Variants in KPNA3 observed in about 807,000 individuals in gnomAD.
KPNA3 encodes importin subunit alpha-4.
In KPNA3, 13 loss-of-function variants were observed where a neutral mutation model predicts 73.8. The observed-to-expected ratio is 0.18, with a 90% confidence interval of 0.11 to 0.28. KPNA3 has a LOEUF of 0.28. KPNA3 is among the 10% of genes least tolerant of loss of function. The pLI is 1.00. For missense variants in KPNA3, 360 were observed against 618.1 expected (o/e 0.58, Z 4.43); for synonymous variants, 186 against 206.9 (o/e 0.90, Z 0.87).
Position 49,701,838 on chromosome 13 carries a change from G to A in KPNA3, c.1528C>T (p.Pro510Ser). 1 of 1,613,166 alleles carries A rather than the reference G, an allele frequency of 6.2e-7. No homozygotes were observed. The highest frequency in any genetic ancestry group is 2.2e-5 in the East Asian group (1 of 44,850). The change falls in exon 17 of 17, where the codon CCA (proline) becomes TCA (serine). Residue 510 changes from proline to serine, a missense_variant. Physicochemically the swap from Pro to Ser is moderately conservative, Grantham distance 74 (BLOSUM62 -1). Around this residue, in one of 3 missense-constraint regions of KPNA3, gnomAD observed 38 missense variants for 39.0 expected, o/e 0.98. Transcript: ENST00000261667. Reference protein sequence around the residue: ...ATQGGTYNFDPTANLQTKEFN... With the variant: ...ATQGGTYNFDSTANLQTKEFN... ...TCTTTTGTTTGAAGGTTGGCTGTTGGATCAAAATTGTAGGTACCTCCTTGT... is the reference window on the plus strand; with the variant it reads ...TCTTTTGTTTGAAGGTTGGCTGTTGAATCAAAATTGTAGGTACCTCCTTGT...
rs201722554 is a variant in KPNA3, at chr13:49,748,322, TCTGAG to T, written c.70-1334_70-1330del. Among the ~76,000 whole-genome samples the T allele has an allele frequency of 9.7e-3, 1,409 of 144,516 alleles. 18 individuals carry two copies. Among genetic ancestry groups the T allele is most frequent in the African/African-American group, 0.039 (1,321 of 34,294 alleles). The allele number at this position is 144,516 out of a possible 152,430, so 94.8% of individuals were successfully genotyped here. ...TTTGTATCAAAAGGTAAGGTATCCT[TCTGAG>T]TTTAAGAGGATCTATCAGGCATGCC... On this transcript the variant is annotated intron_variant, in intron 1 of 16. Transcript: ENST00000261667.
At chr13:49,734,952 G>C (rs558748159) in intron 2 of KPNA3, among the ~76,000 whole-genome samples, 1 of 115,654 alleles carries the variant, frequency 8.6e-6, no homozygotes, top group East Asian at 2.2e-4. Context: ...GAGAGAGATA[G>C]ATAGAGAGAG....
At chr13:49,755,706 G>A (rs959368181) in intron 1 of KPNA3, among the ~76,000 whole-genome samples, 3 of 152,106 alleles carry the variant, frequency 2.0e-5, no homozygotes, top group Admixed American at 1.3e-4. Flanking sequence ...CAGAGGAATC[G>A]CTTGAACCCA....
At chr13:49,728,913 C>T in intron 6 of KPNA3, among the ~76,000 whole-genome samples, 1 of 152,086 alleles carries the variant, frequency 6.6e-6, no homozygotes. Flanking sequence ...CTGATTTGGC[C>T]ATCTTGTGAC....
chr13:49,720,317 A>G (rs1954343063), intron 9 of KPNA3, among the ~76,000 whole-genome samples: 1 of 152,246 alleles, frequency 6.6e-6, no homozygotes, highest in African/African-American at 2.4e-5. Context: ...AGTACAAAGT[A>G]CAAAGCTTTG....
intron 2 of KPNA3, among the ~76,000 whole-genome samples, chr13:49,746,064 G>GAAAAAAAAAAAA (rs398022733): frequency 2.4e-5 from 2 of 83,086 alleles, no homozygotes; most frequent in African/African-American, 4.5e-5. Flanking sequence ...CTCTGCATCA[G>GAAAAAAAAAAAA]AAAAAAAAAA....
intron 1 of KPNA3, among the ~76,000 whole-genome samples, chr13:49,777,900 A>G (rs955416249): frequency 9.2e-5 from 14 of 152,134 alleles, no homozygotes; most frequent in African/African-American, 3.4e-4. Flanking sequence ...ACTTATAAAC[A>G]TCTTTGGAAG....
At chr13:49,792,258 C>T (rs1265720296) in intron 1 of KPNA3, among the ~76,000 whole-genome samples, 180 bp downstream of exon 1, 1 of 151,410 alleles carries the variant, frequency 6.6e-6, no homozygotes, top group Admixed American at 6.6e-5. Context: ...GGGGTGACTG[C>T]AGCCCGGCCG....
chr13:49,717,880 G>A (rs1281313062), intron 10 of KPNA3, among the ~76,000 whole-genome samples: 2 of 152,126 alleles, frequency 1.3e-5, no homozygotes, highest in African/African-American at 2.4e-5. Context: ...TTTCTGCTTC[G>A]CTAGCAAAAT....
intron 1 of KPNA3, among the ~76,000 whole-genome samples, chr13:49,777,117 C>T (rs1338433301): frequency 2.6e-5 from 4 of 152,164 alleles, no homozygotes; most frequent in Admixed American, 1.3e-4. Context: ...ATGCAATATC[C>T]AATCCCTCTA....
At chr13:49,751,378 C>G (rs1168691403) in intron 1 of KPNA3, among the ~76,000 whole-genome samples, 1 of 152,192 alleles carries the variant, frequency 6.6e-6, no homozygotes, top group East Asian at 1.9e-4. Context: ...TCCACGGCCA[C>G]TATCTAAGAG....
chr13:49,764,799 T>C (rs1349539446), intron 1 of KPNA3, among the ~76,000 whole-genome samples: 1 of 152,186 alleles, frequency 6.6e-6, no homozygotes, highest in East Asian at 1.9e-4. Context: ...TTCTTTTAAC[T>C]AGTTCCTGTT....
intron 6 of KPNA3, among the ~76,000 whole-genome samples, chr13:49,728,308 T>C (rs371980125): frequency 1.3e-5 from 2 of 151,362 alleles, no homozygotes; most frequent in Non-Finnish European, 2.9e-5. Context: ...CAACAATATC[T>C]GAGGAAAAGA....
intron 2 of KPNA3, among the ~76,000 whole-genome samples, chr13:49,736,775 A>T (rs1236755495): frequency 1.3e-5 from 2 of 152,018 alleles, no homozygotes; most frequent in African/African-American, 4.8e-5. Context: ...CAAGATGGTA[A>T]ACACTTCCAA....
rs1238013254 is a variant in KPNA3, at chr13:49,780,347, GGCTC to G, written c.69+12087_69+12090del. 2.0e-5 allele frequency among the ~76,000 whole-genome samples: 3 copies of G among 152,008 alleles called. No homozygotes were observed. The East Asian group carries it at 5.8e-4, about 29-fold the overall frequency. On this transcript the variant is annotated intron_variant, in intron 1 of 16. Transcript: ENST00000261667. The stretch of plus-strand genomic sequence containing the variant: ...TATTTAGGCTTTTAAAAAATATTAT[GGCTC>G]TTTACAAAAAACTTGCCAACCTCTA...
At chr13:49,737,262 C>A (rs1954530217) in intron 2 of KPNA3, among the ~76,000 whole-genome samples, 1 of 152,102 alleles carries the variant, frequency 6.6e-6, no homozygotes, top group South Asian at 2.1e-4. Context: ...CATGTTTAGA[C>A]AAAAAACTGA....
intron 2 of KPNA3, among the ~76,000 whole-genome samples, chr13:49,737,129 T>C (rs899335677): frequency 6.6e-6 from 1 of 152,150 alleles, no homozygotes. Flanking sequence ...TGTTTCTAAG[T>C]TTTGGCTATT....
At chr13:49,758,057 A>T (rs1383492351) in intron 1 of KPNA3, among the ~76,000 whole-genome samples, 1 of 152,206 alleles carries the variant, frequency 6.6e-6, no homozygotes, top group Non-Finnish European at 1.5e-5. Context: ...GGAAAAGAGA[A>T]GGTCACAACT....
chr13:49,721,216 CAAAAG>C (rs1954353601), intron 9 of KPNA3, among the ~76,000 whole-genome samples: 1 of 146,284 alleles, frequency 6.8e-6, no homozygotes, highest in Non-Finnish European at 1.5e-5. Context: ...AAGACTGTCT[CAAAAG>C]AAGAAGAAGA....
Sources: allele counts gnomAD v4.1 joint callset (sites outside exome capture counted in the v4.1 genomes callset), GRCh38; gene constraint gnomAD v4.1.1; regional missense constraint gnomAD v4.1.1; transcripts MANE v1.5; gene names NCBI Gene and HGNC (gene_info 2026-07-23, HGNC 2026-07-21).